SLIT2: variants seen among roughly 807,000 people sequenced by gnomAD.
SLIT2 encodes slit guidance ligand 2.
SLIT2 carries 41 observed loss-of-function variants against 185.7 expected under a neutral mutation model. That is an observed-to-expected ratio of 0.22 (90% CI 0.17 to 0.29). The LOEUF (loss-of-function observed/expected upper bound fraction) is 0.29, where lower values mean the gene tolerates loss of function less well. Among genes scored for constraint, SLIT2 ranks in the 10% least tolerant of loss-of-function variants. The pLI, the probability that SLIT2 is intolerant of heterozygous loss-of-function variation, is 1.00. For missense variants in SLIT2, 1,571 were observed against 1,909.0 expected (o/e 0.82, Z 3.30); for synonymous variants, 693 against 680.2 (o/e 1.02, Z -0.29).
At chr4:20,472,486 A>ATATATATAGATATATC (rs1715460619) in intron 5 of SLIT2, among the ~76,000 whole-genome samples, 1 of 20,702 alleles carries the variant, frequency 4.8e-5, no homozygotes, top group Non-Finnish European at 7.1e-5. Flanking sequence ...ATATATATCT[A>ATATATATAGATATATC]TATATAGATA....
At chr4:20,333,233 T>A (rs1577449457) in intron 4 of SLIT2, among the ~76,000 whole-genome samples, 1 of 152,318 alleles carries the variant, frequency 6.6e-6, no homozygotes, top group Non-Finnish European at 1.5e-5. Context: ...AATAATTGAC[T>A]GAGACACCTT....
intron 3 of SLIT2, among the ~76,000 whole-genome samples, chr4:20,261,046 A>G (rs1242944968): frequency 6.6e-6 from 1 of 151,838 alleles, no homozygotes; most frequent in Non-Finnish European, 1.5e-5. Context: ...TCACGTCTGC[A>G]TACCACGAGC....
At chr4:20,490,992 A>G (rs975446777) in intron 8 of SLIT2, among the ~76,000 whole-genome samples, 27 of 152,202 alleles carry the variant, frequency 1.8e-4, no homozygotes, top group African/African-American at 5.8e-4. Context: ...ATGCATGTCC[A>G]GATGCTTATT....
intron 4 of SLIT2, among the ~76,000 whole-genome samples, chr4:20,391,918 C>G (rs1204951988): frequency 6.6e-6 from 1 of 151,972 alleles, no homozygotes; most frequent in Non-Finnish European, 1.5e-5. Flanking sequence ...AAACCAAGTA[C>G]TAGGTAAGAG....
In SLIT2 at chr4:20,373,599, G is replaced by T. The variant is rs115438181; in HGVS notation, c.396-94153G>T. 6.8e-3 allele frequency among the ~76,000 whole-genome samples: 1,031 copies of T among 151,922 alleles called. 21 individuals carry two copies. Among genetic ancestry groups the T allele is most frequent in the African/African-American group, 0.023 (974 of 41,448 alleles). ...ATATGTGTTGGTGTTTAATAAAGTT[G>T]GTTTCTACAAAATTTCTTAGAGCTA... On this transcript the variant is annotated intron_variant, in intron 4 of 36. Transcript: ENST00000504154.
At position 20,561,971 on chromosome 4, in the gene SLIT2, CT is replaced by C. The variant is rs1158623486; in HGVS notation, c.2726-5288del. ...AAGATTTTATAAAATAATTATTGCC[CT>C]TTCCATGTAATTTTGGCTCAGGAAG... On this transcript the variant is annotated intron_variant, in intron 26 of 36. Transcript: ENST00000504154. 2.6e-5 allele frequency among the ~76,000 whole-genome samples: 4 copies of C among 151,864 alleles called. No individual in the cohort carries two copies. The East Asian group carries it at 7.7e-4, about 29-fold the overall frequency.
intron 4 of SLIT2, among the ~76,000 whole-genome samples, chr4:20,452,039 G>T (rs1712531245): frequency 6.6e-6 from 1 of 152,196 alleles, no homozygotes; most frequent in East Asian, 1.9e-4. Context: ...ACATGGTCAA[G>T]GTAGAATTGA....
intron 4 of SLIT2, among the ~76,000 whole-genome samples, chr4:20,430,231 G>T (rs1454266047): frequency 6.6e-6 from 1 of 152,084 alleles, no homozygotes; most frequent in African/African-American, 2.4e-5. Context: ...CAGATTTAGG[G>T]TATATCTTAC....
At chr4:20,576,523 A>G (rs1397553492) in intron 29 of SLIT2, among the ~76,000 whole-genome samples, 1 of 152,118 alleles carries the variant, frequency 6.6e-6, no homozygotes. Context: ...AGTAACAGTG[A>G]CTTCTGTTTT....
chr4:20,551,100 A>G (rs770160863), intron 25 of SLIT2, among the ~76,000 whole-genome samples: 4 of 152,240 alleles, frequency 2.6e-5, no homozygotes, highest in Non-Finnish European at 5.9e-5. Context: ...CTTATTTTCC[A>G]GTAGTCGAAT....
At chr4:20,557,048 G>A (rs1724321003) in intron 26 of SLIT2, among the ~76,000 whole-genome samples, 1 of 152,042 alleles carries the variant, frequency 6.6e-6, no homozygotes, top group African/African-American at 2.4e-5. Flanking sequence ...AAGTGAGGAA[G>A]CTGTAGAAGA....
At chr4:20,555,227 G>T (rs1036379644) in intron 26 of SLIT2, among the ~76,000 whole-genome samples, 2 of 152,066 alleles carry the variant, frequency 1.3e-5, no homozygotes, top group Non-Finnish European at 2.9e-5. Flanking sequence ...TCATGGTATG[G>T]CCTTGCCTTC....
intron 4 of SLIT2, among the ~76,000 whole-genome samples, chr4:20,467,245 A>G (rs1714460893): frequency 6.6e-6 from 1 of 152,104 alleles, no homozygotes; most frequent in South Asian, 2.1e-4. Context: ...GCCATGTTCC[A>G]TTTTCAAGAT....
intron 4 of SLIT2, among the ~76,000 whole-genome samples, chr4:20,295,845 TAAGAA>T (rs1006787866): frequency 2.6e-5 from 4 of 151,234 alleles, no homozygotes; most frequent in African/African-American, 4.8e-5. Context: ...GAAAAAAAAA[TAAGAA>T]AGGAAAAATG....
chr4:20,335,782 A>G (rs561928375), intron 4 of SLIT2, among the ~76,000 whole-genome samples: 1 of 152,288 alleles, frequency 6.6e-6, no homozygotes, highest in South Asian at 2.1e-4. Context: ...GAAAAATCAG[A>G]GAAATATTAC....
In SLIT2 at chr4:20,617,519, G is replaced by C. The variant is rs1382503867; in HGVS notation, c.4217G>C (p.Cys1406Ser). The C allele has an allele frequency of 6.2e-7, 1 of 1,613,776 alleles. No homozygotes were observed. The highest frequency in any genetic ancestry group is 1.1e-5 in the South Asian group (1 of 91,058). The change falls in exon 36 of 37, where the codon TGT becomes TCT. Residue 1406 changes from cysteine (C) to serine (S), a missense_variant. By Grantham distance (112) the Cys-to-Ser change is moderately radical (BLOSUM62 -1). Transcript: ENST00000504154. ...TTGGAGGGCCATGGAGGTGTCCTCT[G>C]TGATGAAGAGGAGGATCTGTTTAAC... ...KCLEGHGGVLCDEEEDLFNPC... is the reference protein window; with the variant it reads ...KCLEGHGGVLSDEEEDLFNPC...
chr4:20,486,185 T>C lies in SLIT2; in HGVS notation c.540-15T>C. 6.5e-7 allele frequency: 1 copy of C among 1,547,096 alleles called. No individual in the cohort carries two copies. Among genetic ancestry groups the C allele is most frequent in the Non-Finnish European group, 8.9e-7 (1 of 1,121,414 alleles). ...TTGTATCTAAAAATTCTAACTTTTC[T>C]TTTTAATTCTACAGCACTCTCAACA... On this transcript the variant is annotated splice_polypyrimidine_tract_variant and intron_variant, in intron 6 of 36. Coordinates refer to ENST00000504154, the MANE Select transcript of SLIT2 (RefSeq NM_004787.4).
chr4:20,504,758 C>T (rs1168584257), intron 9 of SLIT2, among the ~76,000 whole-genome samples: 1 of 151,950 alleles, frequency 6.6e-6, no homozygotes, highest in African/African-American at 2.4e-5. Context: ...GGTGACGTTG[C>T]AATAGTCCCC....
chr4:20,517,984 T>TA (rs1560494084), intron 11 of SLIT2, among the ~76,000 whole-genome samples: 1 of 151,266 alleles, frequency 6.6e-6, no homozygotes, highest in Non-Finnish European at 1.5e-5. Flanking sequence ...TATATTAAAA[T>TA]ACACAAAAAT....
Sources: gnomAD v4.1 joint callset for allele counts (sites outside exome capture counted in the v4.1 genomes callset) on GRCh38, gnomAD v4.1.1 for gene constraint, MANE v1.5 for transcripts, NCBI Gene and HGNC (gene_info 2026-07-23, HGNC 2026-07-21) for gene names.